NBEA: variants seen among roughly 807,000 people sequenced by gnomAD.
The protein encoded by NBEA is lysosomal-trafficking regulator 2.
In NBEA, 44 loss-of-function variants were observed where a neutral mutation model predicts 343.4. The observed-to-expected ratio is 0.13, with a 90% confidence interval of 0.10 to 0.16. The LOEUF (loss-of-function observed/expected upper bound fraction) is 0.16. Ranked by LOEUF, NBEA falls within the 10% of genes least tolerant of loss-of-function variation. The probability of loss-of-function intolerance (pLI) is 1.00; values close to 1 mark genes in which losing one functional copy is unlikely to be tolerated. For missense variants in NBEA, 2,555 were observed against 3,631.3 expected, an observed-to-expected ratio of 0.70 and a Z score of 7.62; for synonymous variants, 1,175 against 1,238.7, an observed-to-expected ratio of 0.95 and a Z score of 1.08.
At chr13:35,266,616 G>T (rs547906909) in intron 34 of NBEA, among the ~76,000 whole-genome samples, 1 of 151,704 alleles carries the variant, frequency 6.6e-6, no homozygotes, top group African/African-American at 2.4e-5. Context: ...TCTCACTCAC[G>T]TGTGGAATAT....
chr13:35,298,025 C>T (rs1427765868), intron 35 of NBEA, among the ~76,000 whole-genome samples: 1 of 151,534 alleles, frequency 6.6e-6, no homozygotes, highest in African/African-American at 2.4e-5. Context: ...CTACTAATAG[C>T]TCAGTACTAG....
At chr13:35,111,024 C>G (rs752017185) in intron 13 of NBEA, 46 bp downstream of exon 13, 2 of 1,491,270 alleles carry the variant, frequency 1.3e-6, no homozygotes, top group Non-Finnish European at 9.2e-7. Flanking sequence ...TATGATTATT[C>G]TGTATTCTGA....
intron 39 of NBEA, among the ~76,000 whole-genome samples, chr13:35,442,328 CG>C (rs1370879395): frequency 4.6e-5 from 7 of 152,084 alleles, no homozygotes; most frequent in African/African-American, 9.6e-5. Context: ...TGTTTTATTA[CG>C]TTTTTTTACA....
At chr13:35,336,173 A>T (rs1818118534) in intron 36 of NBEA, among the ~76,000 whole-genome samples, 1 of 152,106 alleles carries the variant, frequency 6.6e-6, no homozygotes, top group Admixed American at 6.6e-5. Flanking sequence ...AAGAAAAATC[A>T]CTCATCAGAT....
rs907275071 is a variant in NBEA at position 35,211,057 on chromosome 13, C to T, written c.5526C>T (p.Ala1842=). The T allele has an allele frequency of 1.2e-5, 19 of 1,549,186 alleles. No individual in the cohort carries two copies. The highest frequency in any genetic ancestry group is 6.9e-5 in the African/African-American group (5 of 72,920). ...AAATTATTATTTTGGGAACAGGTGC[C>T]GTGGATTCAGGGTCCTCCTCCTCTT... ...TPKSMINTTG[A]VDSGSSSSSS... Residue 1842 remains alanine (A), a synonymous_variant, in exon 33 of 59, where the codon GCC becomes GCT. Coordinates refer to ENST00000379939, the MANE Select transcript of NBEA (RefSeq NM_001385012.1).
At chr13:35,322,536 AGGAGCT>A (rs947301686) in intron 36 of NBEA, among the ~76,000 whole-genome samples, 3 of 152,190 alleles carry the variant, frequency 2.0e-5, no homozygotes, top group Non-Finnish European at 4.4e-5. Context: ...TTATCTCGCT[AGGAGCT>A]GCAGACTGGA....
At chr13:35,411,526 A>C (rs948566943) in intron 38 of NBEA, among the ~76,000 whole-genome samples, 1 of 151,088 alleles carries the variant, frequency 6.6e-6, no homozygotes. Context: ...GTGCAAACAC[A>C]CCTCATTGTA....
intron 1 of NBEA, among the ~76,000 whole-genome samples, chr13:34,958,259 T>C (rs540632936): frequency 6.6e-6 from 1 of 152,264 alleles, no homozygotes; most frequent in Non-Finnish European, 1.5e-5. Flanking sequence ...TGTTAGGTCT[T>C]ATATTGGAGA....
chr13:35,030,429 A>C (rs1480470846), intron 1 of NBEA, among the ~76,000 whole-genome samples: 1 of 151,464 alleles, frequency 6.6e-6, no homozygotes, highest in African/African-American at 2.4e-5. Flanking sequence ...GCAAGTGATT[A>C]AGTGCATTTT....
At chr13:35,215,128 G>A (rs1033788348) in intron 33 of NBEA, among the ~76,000 whole-genome samples, 1 of 151,190 alleles carries the variant, frequency 6.6e-6, no homozygotes, top group African/African-American at 2.4e-5. Flanking sequence ...GGGTTAATTC[G>A]CATTTTCATG....
chr13:35,123,621 TTA>T (rs1454589808), intron 17 of NBEA, 47 bp downstream of exon 17: 6 of 1,182,172 alleles, frequency 5.1e-6, no homozygotes, highest in Middle Eastern at 3.1e-4. Flanking sequence ...ACTATTGAGA[TTA>T]TGTTTTTATG....
At chr13:35,597,781 C>T (rs2081875149) in intron 47 of NBEA, among the ~76,000 whole-genome samples, 1 of 152,092 alleles carries the variant, frequency 6.6e-6, no homozygotes, top group African/African-American at 2.4e-5. Context: ...CATGCCTAGG[C>T]CCGGAAGTCA....
At chr13:35,076,408 G>T (rs1194162218) in intron 10 of NBEA, among the ~76,000 whole-genome samples, 2 of 152,032 alleles carry the variant, frequency 1.3e-5, no homozygotes, top group Non-Finnish European at 2.9e-5. Context: ...CTATGCAAAT[G>T]AATTTATAAG....
rs1458334367 is a variant in NBEA at position 34,946,878 on chromosome 13, G to GT, written c.294+3765dup. On this transcript the variant is annotated intron_variant, in intron 1 of 58. Transcript: ENST00000379939. ...TTTTTTTTTGTACTTGAATATGGCAGTAACTCTTCTTCCTTAGAGTTTTTT... is the reference window on the plus strand; with the variant it reads ...TTTTTTTTTGTACTTGAATATGGCAGTTAACTCTTCTTCCTTAGAGTTTTTT... Among the ~76,000 whole-genome samples the GT allele has an allele frequency of 4.0e-5, 6 of 148,816 alleles. No homozygotes were observed. In the East Asian group the frequency reaches 1.2e-3, roughly 29 times the overall value.
intron 20 of NBEA, 52 bp from the exon 21 acceptor site, chr13:35,157,026 A>G: frequency 7.2e-7 from 1 of 1,388,784 alleles, no homozygotes; most frequent in Non-Finnish European, 9.6e-7. Context: ...AAAATAGTAA[A>G]TTCTAACTTA....
intron 36 of NBEA, among the ~76,000 whole-genome samples, chr13:35,337,152 T>A (rs896662250): frequency 6.6e-6 from 1 of 152,138 alleles, no homozygotes; most frequent in African/African-American, 2.4e-5. Context: ...AGAAGTCCTT[T>A]CTTATCGATA....
chr13:35,510,212 C>T (rs562351326), intron 41 of NBEA, among the ~76,000 whole-genome samples: 2 of 152,188 alleles, frequency 1.3e-5, no homozygotes, highest in Admixed American at 6.5e-5. Context: ...TGTGTGTTTC[C>T]ATGGCCTATA....
At chr13:35,557,861 A>G (rs2079652532) in intron 44 of NBEA, among the ~76,000 whole-genome samples, 2 of 152,126 alleles carry the variant, frequency 1.3e-5, no homozygotes, top group Non-Finnish European at 2.9e-5. Context: ...GAGCTTCACA[A>G]ATTTCTGCTA....
intron 40 of NBEA, among the ~76,000 whole-genome samples, chr13:35,457,812 G>A (rs1446391065): frequency 6.6e-6 from 1 of 151,872 alleles, no homozygotes; most frequent in South Asian, 2.1e-4. Flanking sequence ...GTTTCACCGT[G>A]TTAGCCGTAT....
Sources: allele counts gnomAD v4.1 joint callset (sites outside exome capture counted in the v4.1 genomes callset), GRCh38; gene constraint gnomAD v4.1.1; transcripts MANE v1.5; gene names NCBI Gene and HGNC (gene_info 2026-07-23, HGNC 2026-07-21).